Variants in GALNT2 observed in about 807,000 individuals in gnomAD.
The protein encoded by GALNT2 is polypeptide N-acetylgalactosaminyltransferase 2.
A neutral mutation model predicts 81.4 loss-of-function variants in GALNT2; 31 were observed. The ratio of observed to expected loss-of-function variants is 0.38; its 90% CI spans 0.29 to 0.51. The LOEUF (loss-of-function observed/expected upper bound fraction) is 0.51, where lower values mean the gene tolerates loss of function less well. Among genes scored for constraint, GALNT2 ranks in the 20% least tolerant of loss-of-function variants. The pLI is 0.87. For synonymous variants in GALNT2, 303 were observed against 287.4 expected, an observed-to-expected ratio of 1.05 and a Z score of -0.55; for missense variants, 629 against 765.7, an observed-to-expected ratio of 0.82 and a Z score of 2.11.
chr1:230,121,426 T>C (rs1175239263), intron 1 of GALNT2, among the ~76,000 whole-genome samples: 3 of 152,208 alleles, frequency 2.0e-5, no homozygotes. Context: ...GCCTTCTTGA[T>C]TTTTCCCTTC....
upstream of GALNT2, among the ~76,000 whole-genome samples, chr1:230,064,217 ATAT>A (rs1366461637): frequency 2.6e-5 from 4 of 151,986 alleles, no homozygotes; most frequent in Non-Finnish European, 5.9e-5. Context: ...GCAGACAATG[ATAT>A]TATTCTATTT....
chr1:230,093,968 C>T (rs1314775700), intron 1 of GALNT2, among the ~76,000 whole-genome samples: 1 of 151,438 alleles, frequency 6.6e-6, no homozygotes, highest in Admixed American at 6.6e-5. Flanking sequence ...AGCTTCATCC[C>T]TTCTTAAATG....
rs1044067099 is a variant in GALNT2, at chr1:230,216,828, C to T, written c.374+13538C>T. On this transcript the variant is annotated intron_variant, in intron 3 of 15. Coordinates refer to ENST00000366672, the MANE Select transcript of GALNT2 (RefSeq NM_004481.5). Reference sequence around the variant, plus strand: ...AAAGTTCAGACTTTTATAGTAACGACTATCTTAACTATATTGAATAAGCCA... The same window carrying T: ...AAAGTTCAGACTTTTATAGTAACGATTATCTTAACTATATTGAATAAGCCA... Among the ~76,000 whole-genome samples the T allele has an allele frequency of 3.3e-5, 5 of 152,242 alleles. No individual in the cohort carries two copies. The East Asian group carries it at 9.7e-4, about 29-fold the overall frequency.
intron 1 of GALNT2, among the ~76,000 whole-genome samples, chr1:230,152,579 G>A (rs1434996565): frequency 2.0e-5 from 3 of 152,188 alleles, no homozygotes; most frequent in Non-Finnish European, 4.4e-5. Context: ...TGGTTTGGGG[G>A]ATGGATGTCT....
At chr1:230,128,147 G>C (rs1441557405) in intron 1 of GALNT2, among the ~76,000 whole-genome samples, 1 of 152,130 alleles carries the variant, frequency 6.6e-6, no homozygotes, top group Non-Finnish European at 1.5e-5. Flanking sequence ...CCCCCAGAAG[G>C]CCTCTTAGTA....
chr1:230,278,005 C>T (rs1479631783), intron 15 of GALNT2, among the ~76,000 whole-genome samples: 1 of 135,822 alleles, frequency 7.4e-6, no homozygotes, highest in Admixed American at 7.5e-5. Flanking sequence ...ATTAGAACCA[C>T]AGACTTCATT....
intron 1 of GALNT2, among the ~76,000 whole-genome samples, chr1:230,132,033 A>AT (rs1009724994): frequency 6.6e-6 from 1 of 152,146 alleles, no homozygotes; most frequent in African/African-American, 2.4e-5. Flanking sequence ...GTAGAAGCTT[A>AT]GGGGGGCTGC....
At chr1:230,187,881 G>C (rs1663386354) in intron 2 of GALNT2, among the ~76,000 whole-genome samples, 1 of 137,010 alleles carries the variant, frequency 7.3e-6, no homozygotes, top group Admixed American at 7.5e-5. Context: ...ACATCCGGCT[G>C]TTTCTTCTCT....
intron 1 of GALNT2, among the ~76,000 whole-genome samples, chr1:230,144,208 A>G (rs914990892): frequency 2.0e-5 from 3 of 151,806 alleles, no homozygotes; most frequent in Non-Finnish European, 4.4e-5. Context: ...TTATTTCACA[A>G]CCCTCTCCCT....
At chr1:230,104,460 C>G (rs531705172) in intron 1 of GALNT2, among the ~76,000 whole-genome samples, 2 of 152,156 alleles carry the variant, frequency 1.3e-5, no homozygotes, top group South Asian at 2.1e-4. Context: ...TCTGTAGCAT[C>G]AGAAATGGGA....
intron 1 of GALNT2, among the ~76,000 whole-genome samples, chr1:230,169,566 G>A (rs1321257): frequency 0.5 from 76,482 of 152,110 alleles, 20,639 homozygotes; most frequent in Non-Finnish European, 0.61. Flanking sequence ...ACAATTGACC[G>A]ACTGTGCGTG....
At chr1:230,165,523 G>A (rs1206958307) in intron 1 of GALNT2, among the ~76,000 whole-genome samples, 2 of 152,176 alleles carry the variant, frequency 1.3e-5, no homozygotes, top group South Asian at 2.1e-4. Context: ...ATTTTCAGTC[G>A]CTTTCTAGTT....
chr1:230,236,993 G>A (rs1665052491), intron 6 of GALNT2, among the ~76,000 whole-genome samples: 1 of 152,130 alleles, frequency 6.6e-6, no homozygotes, highest in African/African-American at 2.4e-5. Context: ...CACAACCTAG[G>A]AAGTCTTATC....
rs78587288 is a variant in GALNT2 at position 230,159,100 on chromosome 1, G to A, written c.127-19118G>A. Among the ~76,000 whole-genome samples, 1,371 of 152,310 alleles carry A rather than the reference G, an allele frequency of 9.0e-3. 14 individuals carry two copies. Among genetic ancestry groups the A allele is most frequent in the Middle Eastern group, 0.027 (8 of 294 alleles). On this transcript the variant is annotated intron_variant, in intron 1 of 15. Transcript: ENST00000366672. ...GTTGAAACAGAGCATTCAAAAAAGC[G>A]TACACTTTAACCTGTAATCCGCAAA...
chr1:230,125,758 C>G (rs1270671073), intron 1 of GALNT2, among the ~76,000 whole-genome samples: 2 of 152,190 alleles, frequency 1.3e-5, no homozygotes, highest in Non-Finnish European at 2.9e-5. Flanking sequence ...CACTTTCCAA[C>G]AGTGACATCC....
intron 3 of GALNT2, among the ~76,000 whole-genome samples, chr1:230,224,275 C>T (rs1664639532): frequency 1.3e-5 from 2 of 152,152 alleles, no homozygotes; most frequent in African/African-American, 4.8e-5. Flanking sequence ...TGTGAGCTTC[C>T]ATCCAGAAAA....
chr1:230,236,215 C>G, intron 4 of GALNT2, 103 bp downstream of exon 4: 1 of 1,375,852 alleles, frequency 7.3e-7, no homozygotes, highest in Non-Finnish European at 1.0e-6. Context: ...GACAGGGTCT[C>G]CTGACTGCTC....
At chr1:230,189,882 C>T (rs1323710596) in intron 2 of GALNT2, among the ~76,000 whole-genome samples, 2 of 152,194 alleles carry the variant, frequency 1.3e-5, no homozygotes, top group Non-Finnish European at 2.9e-5. Context: ...CATATGAGTG[C>T]AGCCTTACAG....
intron 1 of GALNT2, chr1:230,091,574 A>C (rs1162667645): frequency 6.6e-6 from 1 of 152,182 alleles, no homozygotes; most frequent in Non-Finnish European, 1.5e-5. Context: ...GTAATTTATG[A>C]AATTATTGTT....
Sources: allele counts gnomAD v4.1 joint callset (sites outside exome capture counted in the v4.1 genomes callset), GRCh38; gene constraint gnomAD v4.1.1; transcripts MANE v1.5; gene names NCBI Gene and HGNC (gene_info 2026-07-23, HGNC 2026-07-21).